ZNF177: variants seen among roughly 807,000 people sequenced by gnomAD.
The protein encoded by ZNF177 is zinc finger protein 177.
In ZNF177, 17 loss-of-function variants were observed where a neutral mutation model predicts 19.4. The ratio of observed to expected loss-of-function variants is 0.87; its 90% CI spans 0.60 to 1.31. The LOEUF is 1.31. Among genes scored for constraint, ZNF177 ranks in the 40% most tolerant of loss-of-function variants. The probability of loss-of-function intolerance (pLI) is 0.00; values close to 1 mark genes in which losing one functional copy is unlikely to be tolerated. For missense variants in ZNF177, 633 were observed against 561.8 expected, an observed-to-expected ratio of 1.13 and a Z score of -1.28; for synonymous variants, 220 against 188.7, an observed-to-expected ratio of 1.17 and a Z score of -1.36.
chr19:9,371,554 T>C (rs775782265), upstream of ZNF177: 1 of 152,220 alleles, frequency 6.6e-6, no homozygotes, highest in South Asian at 2.1e-4. Flanking sequence ...TGCTTTCTTC[T>C]GACGTCCATT....
At chr19:9,379,459 G>T in intron 3 of ZNF177, 68 bp from the exon 6 acceptor site, 1 of 1,540,230 alleles carries the variant, frequency 6.5e-7, no homozygotes. Context: ...CCAAAGTATG[G>T]CAATCAGTTT....
At chr19:9,374,719 C>G (rs1013787811), upstream of ZNF177, among the ~76,000 whole-genome samples, 3 of 151,804 alleles carry the variant, frequency 2.0e-5, no homozygotes, top group Admixed American at 1.3e-4. Flanking sequence ...TTTTACCCTG[C>G]ATTACTGAAT....
intron 1 of ZNF177, among the ~76,000 whole-genome samples, chr19:9,363,453 G>A (rs2067934216): frequency 6.6e-6 from 1 of 152,210 alleles, no homozygotes; most frequent in Non-Finnish European, 1.5e-5. Flanking sequence ...TGGGATGCGC[G>A]TTATTGGTTT....
upstream of ZNF177, among the ~76,000 whole-genome samples, chr19:9,372,523 C>A (rs1460101065): frequency 6.8e-6 from 1 of 147,014 alleles, no homozygotes; most frequent in Non-Finnish European, 1.5e-5. Flanking sequence ...TTCCTTTCAT[C>A]ATTGAGCTTT....
intron 1 of ZNF177, among the ~76,000 whole-genome samples, chr19:9,377,466 G>A (rs1196927591): frequency 1.3e-5 from 2 of 152,150 alleles, no homozygotes; most frequent in Non-Finnish European, 2.9e-5. Context: ...TCAGCTCCGT[G>A]CATGTTATTG....
chr19:9,372,414 C>A (rs890641191), upstream of ZNF177, among the ~76,000 whole-genome samples: 4 of 152,038 alleles, frequency 2.6e-5, no homozygotes, highest in Non-Finnish European at 1.5e-5. Context: ...TTCAGTCATA[C>A]CTAGGAATAG....
chr19:9,366,409 A>C (rs535565232), intron 2 of ZNF177, among the ~76,000 whole-genome samples: 6 of 152,196 alleles, frequency 3.9e-5, no homozygotes, highest in African/African-American at 1.4e-4. Context: ...GGTGTGGGCC[A>C]CCAAGCCTGG....
downstream of ZNF177, chr19:9,382,580 T>TA (rs1555737797): frequency 2.5e-6 from 1 of 394,416 alleles, no homozygotes; most frequent in African/African-American, 2.1e-5. Context: ...TCCCAACTGT[T>TA]ACATCTAATA....
chr19:9,377,519 A>G (rs761707082), intron 1 of ZNF177, among the ~76,000 whole-genome samples: 3 of 152,156 alleles, frequency 2.0e-5, no homozygotes, highest in Admixed American at 6.5e-5. Flanking sequence ...GGTGTCAGAC[A>G]GTGATACTCA....
chr19:9,378,690 C>T, intron 2 of ZNF177: 1 of 546,160 alleles, frequency 1.8e-6, no homozygotes, highest in Non-Finnish European at 3.1e-6. Flanking sequence ...CGAAAAGAGT[C>T]CTCACAACCT....
chr19:9,377,336 TTTA>T (rs1347556467), intron 1 of ZNF177, among the ~76,000 whole-genome samples: 4 of 152,164 alleles, frequency 2.6e-5, no homozygotes, highest in African/African-American at 9.7e-5. Flanking sequence ...TTTTATACTA[TTTA>T]TTGTTATTTT....
chr19:9,373,715 T>A (rs1449482745), upstream of ZNF177, among the ~76,000 whole-genome samples: 2 of 152,332 alleles, frequency 1.3e-5, no homozygotes, highest in South Asian at 2.1e-4. Flanking sequence ...CTTTTTCATA[T>A]ACCTACTGGC....
chr19:9,368,116 G>C (rs569664314), intron 2 of ZNF177, among the ~76,000 whole-genome samples: 2 of 152,230 alleles, frequency 1.3e-5, no homozygotes, highest in South Asian at 2.1e-4. Flanking sequence ...ATCTAGTTTT[G>C]TTTTCTGTTT....
chr19:9,377,849 G>A (rs1255941588), intron 1 of ZNF177, among the ~76,000 whole-genome samples: 2 of 142,152 alleles, frequency 1.4e-5, no homozygotes, highest in Non-Finnish European at 3.2e-5. Flanking sequence ...TATGAAATTG[G>A]TCCCATTCTA....
At chr19:9,379,338 T>C (rs1340028832) in intron 3 of ZNF177, among the ~76,000 whole-genome samples, 189 bp from the exon 6 acceptor site, 2 of 152,252 alleles carry the variant, frequency 1.3e-5, no homozygotes, top group Admixed American at 6.5e-5. Flanking sequence ...GTCACTTCCA[T>C]ATAGGGCGTG....
At chr19:9,371,141 T>G (rs754813022) in intron 2 of ZNF177, among the ~76,000 whole-genome samples, 51 of 152,230 alleles carry the variant, frequency 3.4e-4, no homozygotes, top group Non-Finnish European at 6.6e-4. Flanking sequence ...AGTATATTAC[T>G]AACTGTGCAT....
rs1021033686 is a variant in ZNF177 at position 9,368,588 on chromosome 19, CTTAAG to C, written c.-304-3017_-304-3013del. Among the ~76,000 whole-genome samples the C allele has an allele frequency of 6.4e-4, 97 of 152,190 alleles. 1 individual carries two copies. The highest frequency in any genetic ancestry group is 2.2e-3 in the African/African-American group (92 of 41,558). On this transcript the variant is annotated intron_variant, in intron 2 of 8. Transcript: ENST00000343499. ...TTTTCTGCTCTTCCCGTTCCAGCTGCTTAAGTTAATTTTTAAGTTCACTTCTTTTC... is the reference window on the plus strand; with the variant it reads ...TTTTCTGCTCTTCCCGTTCCAGCTGCTTAATTTTTAAGTTCACTTCTTTTC...
chr19:9,363,792 G>T (rs1210933096), intron 1 of ZNF177, among the ~76,000 whole-genome samples: 3 of 152,070 alleles, frequency 2.0e-5, no homozygotes, highest in Admixed American at 6.5e-5. Context: ...TTATGAATAA[G>T]AACTTTATTC....
exon 6 of ZNF177, chr19:9,381,811 C>A (rs1255842583): frequency 6.4e-7 from 1 of 1,554,042 alleles, no homozygotes; most frequent in Non-Finnish European, 8.7e-7. Context: ...GCCCCTCATG[C>A]CTCCTTTCTC....
Sources: allele counts gnomAD v4.1 joint callset (sites outside exome capture counted in the v4.1 genomes callset), GRCh38; gene constraint gnomAD v4.1.1; transcripts MANE v1.5; gene names NCBI Gene and HGNC (gene_info 2026-07-23, HGNC 2026-07-21).